FBXW11: variants seen among roughly 807,000 people sequenced by gnomAD.
FBXW11 encodes F-box and WD repeat domain containing 11.
Under a neutral mutation model 77.6 loss-of-function variants are expected in FBXW11, and 19 were observed. The observed-to-expected ratio is 0.24, with a 90% confidence interval of 0.17 to 0.36. The LOEUF is 0.36. Ranked by LOEUF, FBXW11 falls within the 10% of genes least tolerant of loss-of-function variation. The pLI, the probability that FBXW11 is intolerant of heterozygous loss-of-function variation, is 1.00. For synonymous variants in FBXW11, 235 were observed against 249.4 expected, an observed-to-expected ratio of 0.94 and a Z score of 0.54; for missense variants, 334 against 704.2, an observed-to-expected ratio of 0.47 and a Z score of 5.95.
chr5:171,942,827 A>T (rs1186061164), intron 2 of FBXW11, among the ~76,000 whole-genome samples: 2 of 152,008 alleles, frequency 1.3e-5, no homozygotes, highest in East Asian at 1.9e-4. Flanking sequence ...AATCAATTAA[A>T]TTTTTTAAAT....
intron 4 of FBXW11, among the ~76,000 whole-genome samples, chr5:171,902,159 T>C (rs1267325594): frequency 1.3e-5 from 2 of 152,144 alleles, no homozygotes; most frequent in African/African-American, 4.8e-5. Flanking sequence ...TTTGGAAAAA[T>C]CAGCAGATGA....
intron 7 of FBXW11, among the ~76,000 whole-genome samples, chr5:171,880,605 A>C (rs1758434166): frequency 6.6e-6 from 1 of 152,124 alleles, no homozygotes; most frequent in Non-Finnish European, 1.5e-5. Context: ...TGATTTCTTT[A>C]ATCAGTTTTA....
intron 6 of FBXW11, among the ~76,000 whole-genome samples, chr5:171,898,579 T>C (rs1461556779): frequency 1.3e-5 from 2 of 152,206 alleles, no homozygotes; most frequent in Non-Finnish European, 1.5e-5. Flanking sequence ...GAATGATATC[T>C]GAGTCATGTT....
chr5:171,864,882 A>C (rs111342504), intron 13 of FBXW11, among the ~76,000 whole-genome samples: 5 of 152,216 alleles, frequency 3.3e-5, no homozygotes, highest in African/African-American at 1.2e-4. Context: ...AATCAAAATA[A>C]AGTCAAAACC....
At chr5:171,935,664 G>A (rs913606360) in intron 2 of FBXW11, among the ~76,000 whole-genome samples, 17 of 151,758 alleles carry the variant, frequency 1.1e-4, no homozygotes, top group Admixed American at 3.3e-4. Flanking sequence ...CAAACTTCTC[G>A]AAACAACACA....
intron 1 of FBXW11, among the ~76,000 whole-genome samples, chr5:171,978,596 C>A (rs538338027): frequency 3.3e-5 from 5 of 152,130 alleles, no homozygotes; most frequent in Non-Finnish European, 5.9e-5. Context: ...GCATCCAGAG[C>A]CAGAGTCTAC....
In FBXW11 at chr5:171,878,016, C is replaced by T. The variant is rs749272313; in HGVS notation, c.966G>A (p.Thr322=). The T allele has an allele frequency of 1.4e-5, 22 of 1,610,486 alleles. No individual in the cohort carries two copies. Among genetic ancestry groups the T allele is most frequent in the Non-Finnish European group, 1.8e-5 (21 of 1,176,902 alleles). ...AATGAAGCCAGATCACTCACCTCACCGTAGAATCTGAAGAGCCAGTTACAA... is the reference window on the plus strand; with the variant it reads ...AATGAAGCCAGATCACTCACCTCACTGTAGAATCTGAAGAGCCAGTTACAA... The part of the protein sequence containing the change: ...RVIVTGSSDS[T]VRVWDVNTGE... Residue 322 remains threonine (T), a synonymous_variant, in exon 8 of 14, where the codon ACG becomes ACA. Transcript: ENST00000517395.
In FBXW11 at chr5:171,870,941, C is replaced by G. The variant is rs11955101; in HGVS notation, c.1341-83G>C. ...GTAAGTTTTTTATATCTGTTCCATA[C>G]AGATACAATTTTTCACTATCTTGGA... On this transcript the variant is annotated intron_variant, in intron 10 of 13. Coordinates refer to ENST00000517395, the MANE Select transcript of FBXW11 (RefSeq NM_001378974.1). 0.018 allele frequency: 16,204 copies of G among 894,482 alleles called. 1,681 individuals are homozygous for G. In the African/African-American group the frequency reaches 0.24, roughly 13 times the overall value. The allele number at this position is 894,482 out of a possible 1,614,324, so 55.4% of individuals were successfully genotyped here.
intron 1 of FBXW11, among the ~76,000 whole-genome samples, chr5:171,968,908 C>G (rs1581046473): frequency 6.6e-6 from 1 of 152,256 alleles, no homozygotes; most frequent in Middle Eastern, 3.4e-3. Context: ...ATATACCAAG[C>G]CAAAATCCTT....
intron 2 of FBXW11, among the ~76,000 whole-genome samples, chr5:171,921,473 G>A (rs770076317): frequency 1.3e-5 from 2 of 152,144 alleles, no homozygotes; most frequent in Non-Finnish European, 2.9e-5. Flanking sequence ...TTTCCACACA[G>A]AAAAATGTGT....
intron 6 of FBXW11, among the ~76,000 whole-genome samples, chr5:171,896,847 C>G (rs1759772915): frequency 6.6e-6 from 1 of 152,276 alleles, no homozygotes; most frequent in East Asian, 1.9e-4. Context: ...GGATTTCATA[C>G]CAGTCATACG....
intron 6 of FBXW11, among the ~76,000 whole-genome samples, chr5:171,896,227 G>T (rs1759737343): frequency 1.3e-5 from 2 of 151,906 alleles, no homozygotes; most frequent in Non-Finnish European, 2.9e-5. Context: ...GGTGGAGGAA[G>T]AAGGAAAAAA....
At chr5:171,868,837 C>T in intron 12 of FBXW11, 41 bp from the exon 13 acceptor site, 2 of 1,573,706 alleles carry the variant, frequency 1.3e-6, no homozygotes, top group Non-Finnish European at 1.7e-6. Context: ...GAGATCTTTA[C>T]AGCCCCTGAT....
At position 171,869,541 on chromosome 5, in the gene FBXW11, G is replaced by A. The variant is rs1290999028; in HGVS notation, c.1530+188C>T. On this transcript the variant is annotated intron_variant, in intron 12 of 13. Transcript: ENST00000517395. The surrounding 1 kb of genome is among the most constrained non-coding windows in gnomAD (Gnocchi z 4.1). ...TTAAGCTGCATTATGTCTCCCCTTA[G>A]GAAAGTGCTCACAGTAATGTAAACA... 1.3e-5 allele frequency among the ~76,000 whole-genome samples: 2 copies of A among 152,146 alleles called. No homozygotes were observed. The highest frequency in any genetic ancestry group is 4.8e-5 in the African/African-American group (2 of 41,426).
At chr5:171,899,188 CTT>C in intron 5 of FBXW11, 94 bp from the exon 6 acceptor site, 1 of 799,328 alleles carries the variant, frequency 1.3e-6, no homozygotes, top group Non-Finnish European at 2.0e-6. Flanking sequence ...TCTTTCATGT[CTT>C]TTAATTTGCA....
chr5:171,945,069 G>C (rs1762937186), intron 2 of FBXW11, among the ~76,000 whole-genome samples: 1 of 152,240 alleles, frequency 6.6e-6, no homozygotes, highest in Admixed American at 6.5e-5. Flanking sequence ...GATTCTGGTG[G>C]GGGAAAAGAC....
At chr5:171,994,609 A>T (rs1282141547) in intron 1 of FBXW11, among the ~76,000 whole-genome samples, 1 of 152,106 alleles carries the variant, frequency 6.6e-6, no homozygotes, top group Non-Finnish European at 1.5e-5. Flanking sequence ...GTATAAGGAT[A>T]AAAAAAAGTT....
chr5:171,905,118 T>C lies in FBXW11; in HGVS notation c.437-5018A>G, dbSNP rs190670173. 1.1e-3 allele frequency among the ~76,000 whole-genome samples: 174 copies of C among 152,346 alleles called. 1 individual carries two copies. The highest frequency in any genetic ancestry group is 3.9e-3 in the African/African-American group (163 of 41,576). ...GATTTGACCTATTTCCTTTGTCTGA[T>C]ACTTTAAATGCATTTCCTCCTTCTA... On this transcript the variant is annotated intron_variant, in intron 4 of 13. Transcript: ENST00000517395.
At chr5:171,935,359 T>C (rs1337558712) in intron 2 of FBXW11, among the ~76,000 whole-genome samples, 1 of 151,994 alleles carries the variant, frequency 6.6e-6, no homozygotes, top group Non-Finnish European at 1.5e-5. Context: ...TTGTACACTT[T>C]AAATGTGTAA....
Sources: allele counts gnomAD v4.1 joint callset (sites outside exome capture counted in the v4.1 genomes callset), GRCh38; gene constraint gnomAD v4.1.1; non-coding constraint Gnocchi (gnomAD v3.1); transcripts MANE v1.5; gene names NCBI Gene and HGNC (gene_info 2026-07-23, HGNC 2026-07-21).